ATXN1: variants seen among roughly 807,000 people sequenced by gnomAD.
ATXN1 encodes ataxin-1.
In ATXN1, 8 loss-of-function variants were observed where a neutral mutation model predicts 56.4. The ratio of observed to expected loss-of-function variants is 0.14; its 90% CI spans 0.08 to 0.26. The LOEUF is 0.26. Among genes scored for constraint, ATXN1 ranks in the 10% least tolerant of loss-of-function variants. ATXN1 has a pLI of 1.00. For missense variants in ATXN1, 987 were observed against 1,106.5 expected (o/e 0.89, Z 1.53); for synonymous variants, 514 against 494.6 (o/e 1.04, Z -0.52).
rs35749735 is a variant in ATXN1, at chr6:16,484,947, ATGTGTGTGTGTGTGTGTG to A, written c.-161+1007_-161+1024del. On this transcript the variant is annotated intron_variant, in intron 6 of 7. Coordinates refer to ENST00000436367, the MANE Select transcript of ATXN1 (RefSeq NM_001128164.2). The stretch of plus-strand genomic sequence containing the variant: ...TAAGAAGCTGGAAACCTAAATATAT[ATGTGTGTGTGTGTGTGTG>A]TGTGTGTGTGTGTGTGTGTGTGTGT... Among the ~76,000 whole-genome samples the A allele has an allele frequency of 6.7e-4, 85 of 126,058 alleles. 1 individual carries two copies. The East Asian group carries it at 0.016, about 24-fold the overall frequency. 82.7% of individuals were successfully genotyped at this position (126,058 alleles called of 152,430 possible). A position where few individuals can be genotyped will look rare whatever the true frequency, so the allele number is the denominator to read the frequency against.
chr6:16,376,943 A>G (rs1166074044), intron 6 of ATXN1, among the ~76,000 whole-genome samples: 3 of 152,266 alleles, frequency 2.0e-5, no homozygotes, highest in Non-Finnish European at 4.4e-5. Flanking sequence ...ATACAAAGAT[A>G]TAACCTGCAG....
intron 6 of ATXN1, among the ~76,000 whole-genome samples, chr6:16,373,556 G>A (rs180980922): frequency 3.3e-5 from 5 of 152,294 alleles, no homozygotes; most frequent in South Asian, 2.1e-4. Flanking sequence ...ATCCTGAATC[G>A]TAGCTCCCAC....
intron 6 of ATXN1, among the ~76,000 whole-genome samples, chr6:16,377,845 C>T (rs563650562): frequency 6.4e-4 from 98 of 152,322 alleles, no homozygotes; most frequent in African/African-American, 2.2e-3. Flanking sequence ...CATAAGCACA[C>T]GCAGTGTTTG....
In ATXN1 at chr6:16,302,970, T is replaced by A. The variant is rs1293226046; in HGVS notation, c.*3359A>T. ...GTCTGCAAACAGGAGGCTCCTGCCC[T>A]CTGTGCGTTCTTCCTATTTGAAGAG... On this transcript the variant is annotated 3_prime_UTR_variant, in exon 8 of 8. Coordinates refer to ENST00000436367, the MANE Select transcript of ATXN1 (RefSeq NM_001128164.2). 1 of 152,652 alleles carries A rather than the reference T, an allele frequency of 6.6e-6. No individual in the cohort carries two copies. Among genetic ancestry groups the A allele is most frequent in the East Asian group, 1.9e-4 (1 of 5,194 alleles). The allele number at this position is 152,652 out of a possible 1,614,324, so 9.5% of individuals were successfully genotyped here.
chr6:16,422,963 T>C (rs1759066635), intron 6 of ATXN1, among the ~76,000 whole-genome samples: 2 of 152,202 alleles, frequency 1.3e-5, no homozygotes, highest in African/African-American at 2.4e-5. Flanking sequence ...CTTTAAAAAA[T>C]AGAATTGTCA....
In ATXN1 at chr6:16,760,810, A is replaced by T. The variant is rs2113556745; in HGVS notation, c.-730+488T>A. 6.8e-6 allele frequency among the ~76,000 whole-genome samples: 1 copy of T among 147,608 alleles called. No homozygotes were observed. The highest frequency in any genetic ancestry group is 2.1e-4 in the South Asian group (1 of 4,666). ...CGGCCGGGAAAGGGACCACCCCCCA[A>T]CCCCAGCCGCCGCCTCCCCCCTGCG... On this transcript the variant is annotated intron_variant, in intron 1 of 7. Transcript: ENST00000436367. This position sits in a 1 kb window ranked among gnomAD's most constrained non-coding sequence, Gnocchi z 5.3.
intron 6 of ATXN1, among the ~76,000 whole-genome samples, chr6:16,387,257 T>C (rs1219880701): frequency 6.6e-6 from 1 of 152,208 alleles, no homozygotes; most frequent in Non-Finnish European, 1.5e-5. Context: ...AGCTGATCTT[T>C]TCCCCTCCTC....
intron 6 of ATXN1, among the ~76,000 whole-genome samples, chr6:16,352,922 A>G (rs981547661): frequency 2.0e-5 from 3 of 152,160 alleles, no homozygotes; most frequent in Non-Finnish European, 2.9e-5. Context: ...AGTAAAATAA[A>G]GGTGACTTGA....
At chr6:16,491,908 T>G (rs543754533) in intron 5 of ATXN1, among the ~76,000 whole-genome samples, 1 of 152,190 alleles carries the variant, frequency 6.6e-6, no homozygotes, top group South Asian at 2.1e-4. Flanking sequence ...GGCAAGGAAC[T>G]GAAGGTGAAT....
At chr6:16,624,947 G>A (rs187527146) in intron 3 of ATXN1, among the ~76,000 whole-genome samples, 54 of 152,246 alleles carry the variant, frequency 3.5e-4, no homozygotes, top group Non-Finnish European at 6.6e-4. Flanking sequence ...AGAATGCATC[G>A]CTTATCATTT....
chr6:16,700,059 C>G (rs1247945159), intron 2 of ATXN1, among the ~76,000 whole-genome samples: 1 of 152,184 alleles, frequency 6.6e-6, no homozygotes. Flanking sequence ...GAAGCTTACT[C>G]TGTATTCTCA....
intron 6 of ATXN1, among the ~76,000 whole-genome samples, chr6:16,339,903 C>A (rs1288537699): frequency 1.3e-5 from 2 of 152,206 alleles, no homozygotes; most frequent in East Asian, 3.9e-4. Flanking sequence ...CTGCCTCAGC[C>A]TTCCAAGAAG....
chr6:16,520,232 G>A (rs1476193639), intron 5 of ATXN1, among the ~76,000 whole-genome samples: 1 of 152,162 alleles, frequency 6.6e-6, no homozygotes, highest in East Asian at 1.9e-4. Context: ...ACTGAGCCCA[G>A]GGACTCACGT....
At chr6:16,736,488 ATTATCT>A (rs1331646138) in intron 2 of ATXN1, among the ~76,000 whole-genome samples, 4 of 152,206 alleles carry the variant, frequency 2.6e-5, no homozygotes, top group African/African-American at 9.6e-5. Flanking sequence ...CTAGAGGGGA[ATTATCT>A]TTATATCACA....
intron 4 of ATXN1, among the ~76,000 whole-genome samples, chr6:16,546,381 T>A (rs1761814940): frequency 6.6e-6 from 1 of 152,174 alleles, no homozygotes; most frequent in African/African-American, 2.4e-5. Flanking sequence ...TGTCCAACTG[T>A]GATGAGGCAG....
At chr6:16,670,592 T>C (rs1318110889) in intron 2 of ATXN1, among the ~76,000 whole-genome samples, 1 of 152,248 alleles carries the variant, frequency 6.6e-6, no homozygotes, top group Non-Finnish European at 1.5e-5. Context: ...GGCTCATCTA[T>C]ATTTTGGGTC....
chr6:16,534,229 C>T (rs1156252567), intron 4 of ATXN1, among the ~76,000 whole-genome samples: 1 of 151,714 alleles, frequency 6.6e-6, no homozygotes, highest in Non-Finnish European at 1.5e-5. Flanking sequence ...CCCAAATAAC[C>T]CAGTTAACCA....
intron 2 of ATXN1, among the ~76,000 whole-genome samples, chr6:16,722,973 G>A (rs892113389): frequency 6.6e-6 from 1 of 152,166 alleles, no homozygotes; most frequent in Non-Finnish European, 1.5e-5. Flanking sequence ...ACCAAAGAAG[G>A]TACAAGGTGT....
chr6:16,326,244 A>C lies in ATXN1; in HGVS notation c.1917+150T>G. 1 of 1,404,920 alleles carries C rather than the reference A, an allele frequency of 7.1e-7. No homozygotes were observed. The highest frequency in any genetic ancestry group is 9.3e-7 in the Non-Finnish European group (1 of 1,072,006). The allele number at this position is 1,404,920 out of a possible 1,614,324, so 87.0% of individuals were successfully genotyped here. A position where few individuals can be genotyped will look rare whatever the true frequency, so the allele number is the denominator to read the frequency against. On this transcript the variant is annotated intron_variant, in intron 7 of 7. Coordinates refer to ENST00000436367, the MANE Select transcript of ATXN1 (RefSeq NM_001128164.2). The surrounding 1 kb of genome is among the most constrained non-coding windows in gnomAD (Gnocchi z 6.6). ...CGGGGAAATGGGGCTTATTTTTTCT[A>C]GAGAACGCAGTTGGGAAAGGCCGAG...
Sources: allele counts gnomAD v4.1 joint callset (sites outside exome capture counted in the v4.1 genomes callset), GRCh38; gene constraint gnomAD v4.1.1; non-coding constraint Gnocchi (gnomAD v3.1); transcripts MANE v1.5; gene names NCBI Gene and HGNC (gene_info 2026-07-23, HGNC 2026-07-21).